The following AMZ1 variants were observed in gnomAD, a reference collection of about 807,000 sequenced individuals.
AMZ1 encodes the protein archaelysin family metallopeptidase 1.
In AMZ1, 39 loss-of-function variants were observed where a neutral mutation model predicts 29.9. The ratio of observed to expected loss-of-function variants is 1.30; its 90% CI spans 1.01 to 1.70. AMZ1 has a LOEUF of 1.70. Among genes scored for constraint, AMZ1 ranks in the 40% most tolerant of loss-of-function variants. The pLI is 0.00. For synonymous variants in AMZ1, 458 were observed against 304.0 expected (o/e 1.51, Z -5.27); for missense variants, 1,041 against 680.6 (o/e 1.53, Z -5.89).
upstream of AMZ1, among the ~76,000 whole-genome samples, chr7:2,761,620 C>T (rs1385643637): frequency 4.6e-5 from 7 of 152,110 alleles, no homozygotes; most frequent in East Asian, 1.9e-4. Context: ...GGCACGTTCC[C>T]GAACCGGCCT....
Position 2,712,711 on chromosome 7 carries a change from A to G in AMZ1, c.1330A>G (p.Thr444Ala), listed in dbSNP as rs777907281. 1.2e-6 allele frequency: 2 copies of G among 1,610,732 alleles called. No homozygotes were observed. The highest frequency in any genetic ancestry group is 4.5e-5 in the East Asian group (2 of 44,856). ...VDALDRWEMF[T>A]GQLPATRQDP... Reference sequence around the variant, plus strand: ...CGCCCTCGACCGCTGGGAGATGTTCACGGGCCAGCTCCCGGCCACCAGGCA... The same window carrying G: ...CGCCCTCGACCGCTGGGAGATGTTCGCGGGCCAGCTCCCGGCCACCAGGCA... Residue 444 changes from threonine to alanine, a missense_variant, in exon 7 of 7, where the codon ACG (threonine) becomes GCG (alanine). By Grantham distance (58) the Thr-to-Ala change is moderately conservative (BLOSUM62 0). Transcript: ENST00000683327.
chr7:2,695,153 C>A lies in AMZ1; in HGVS notation c.-218-5081C>A, dbSNP rs1242567899. On this transcript the variant is annotated intron_variant, in intron 1 of 6. Transcript: ENST00000683327. ...CCGCTGCAAGACTTGCCCACTACGG[C>A]CCTTTCCATGGCCACAGGATCTGGT... Among the ~76,000 whole-genome samples, 3 of 152,176 alleles carry A rather than the reference C, an allele frequency of 2.0e-5. No individual in the cohort carries two copies. In the East Asian group the frequency reaches 5.8e-4, roughly 29 times the overall value.
At chr7:2,708,095 T>C (rs1470858648) in intron 3 of AMZ1, among the ~76,000 whole-genome samples, 2 of 152,006 alleles carry the variant, frequency 1.3e-5, no homozygotes, top group Non-Finnish European at 2.9e-5. Context: ...GTTGCTGGCA[T>C]CACAGGTGTG....
chr7:2,696,773 C>A (rs921590278), intron 1 of AMZ1, among the ~76,000 whole-genome samples: 1 of 151,976 alleles, frequency 6.6e-6, no homozygotes, highest in African/African-American at 2.4e-5. Context: ...GTAGTCCCAA[C>A]TACTTGGGAG....
chr7:2,762,839 C>T (rs1395207908), upstream of AMZ1: 47 of 1,493,710 alleles, frequency 3.1e-5, no homozygotes, highest in East Asian at 5.2e-5. Flanking sequence ...CCAGTCAGCG[C>T]GGCTCCGAAG....
chr7:2,689,896 C>A (rs1264926345), intron 1 of AMZ1, among the ~76,000 whole-genome samples: 1 of 152,164 alleles, frequency 6.6e-6, no homozygotes. Context: ...CCGTGGGTAC[C>A]CCCAGGGCTC....
chr7:2,720,815 C>T (rs544906230), downstream of AMZ1, among the ~76,000 whole-genome samples: 2 of 152,238 alleles, frequency 1.3e-5, no homozygotes, highest in Non-Finnish European at 2.9e-5. Flanking sequence ...AGCTGGACTA[C>T]AGGTGTGTAT....
At chr7:2,707,514 G>A (rs1187989750) in intron 3 of AMZ1, among the ~76,000 whole-genome samples, 1 of 151,940 alleles carries the variant, frequency 6.6e-6, no homozygotes, top group African/African-American at 2.4e-5. Flanking sequence ...CCCAGGTTCA[G>A]CCCCTGGGCC....
At chr7:2,740,461 C>A (rs1412507475) in intron 4 of AMZ1, among the ~76,000 whole-genome samples, 4 of 152,216 alleles carry the variant, frequency 2.6e-5, no homozygotes, top group Admixed American at 1.3e-4. Context: ...AGCCCTCCCT[C>A]ACCAGAACCT....
At chr7:2,698,463 G>A (rs1199902344) in intron 1 of AMZ1, among the ~76,000 whole-genome samples, 4 of 151,940 alleles carry the variant, frequency 2.6e-5, no homozygotes, top group Admixed American at 1.3e-4. Context: ...GCTTGAACCC[G>A]GGAGGTGGAG....
At chr7:2,735,055 T>A (rs138191644) in intron 4 of AMZ1, among the ~76,000 whole-genome samples, 11 of 152,290 alleles carry the variant, frequency 7.2e-5, no homozygotes, top group Non-Finnish European at 1.3e-4. Context: ...CCTCTGCACA[T>A]CATGCCTCCT....
At chr7:2,733,353 C>T (rs1235258383) in intron 4 of AMZ1, 1 of 931,140 alleles carries the variant, frequency 1.1e-6, no homozygotes, top group Non-Finnish European at 1.7e-6. Context: ...CTCGGCCTGT[C>T]AGTCCAGCCA....
At chr7:2,698,846 A>G (rs1336334163) in intron 1 of AMZ1, among the ~76,000 whole-genome samples, 1 of 152,168 alleles carries the variant, frequency 6.6e-6, no homozygotes, top group African/African-American at 2.4e-5. Context: ...TAAAAAAGAA[A>G]TCAGGGTTAG....
chr7:2,739,851 T>TA (rs1346699201), intron 4 of AMZ1, among the ~76,000 whole-genome samples: 3 of 152,160 alleles, frequency 2.0e-5, no homozygotes, highest in African/African-American at 7.2e-5. Context: ...TTTGTATTTT[T>TA]AGTAGAGACG....
chr7:2,696,973 C>G (rs1480279163), intron 1 of AMZ1, among the ~76,000 whole-genome samples: 1 of 152,220 alleles, frequency 6.6e-6, no homozygotes, highest in African/African-American at 2.4e-5. Flanking sequence ...CAATACAAAT[C>G]ACGATCCTTC....
upstream of AMZ1, among the ~76,000 whole-genome samples, chr7:2,683,379 G>A (rs1257930075): frequency 3.3e-5 from 5 of 152,198 alleles, no homozygotes; most frequent in South Asian, 6.2e-4. Context: ...TCCCATCTCC[G>A]TCTTCTCCTC....
chr7:2,720,430 CAG>C (rs759968107), downstream of AMZ1, among the ~76,000 whole-genome samples: 2 of 152,060 alleles, frequency 1.3e-5, no homozygotes, highest in African/African-American at 2.4e-5. Context: ...TTTATTGAGA[CAG>C]AGTCTGTGTT....
intron 4 of AMZ1, among the ~76,000 whole-genome samples, chr7:2,735,881 T>C (rs565878478): frequency 6.6e-6 from 1 of 152,076 alleles, no homozygotes; most frequent in Admixed American, 6.5e-5. Flanking sequence ...AGCTCTCTAA[T>C]GGGGGCTGGA....
In AMZ1 at chr7:2,711,327, A is replaced by G. The variant is rs531496733; in HGVS notation, c.949-1003A>G. The stretch of plus-strand genomic sequence containing the variant: ...GAAAAGGTCACTGCTGTCCACTGAC[A>G]GCAATCAGTGAAATGCCTCTTGAAG... On this transcript the variant is annotated intron_variant, in intron 6 of 6. Coordinates refer to ENST00000683327, the MANE Select transcript of AMZ1 (RefSeq NM_001384743.1). 2.0e-4 allele frequency among the ~76,000 whole-genome samples: 31 copies of G among 152,350 alleles called. No individual in the cohort carries two copies. The Middle Eastern group carries it at 0.014, about 67-fold the overall frequency.
Sources: allele counts gnomAD v4.1 joint callset (sites outside exome capture counted in the v4.1 genomes callset), GRCh38; gene constraint gnomAD v4.1.1; transcripts MANE v1.5; gene names NCBI Gene and HGNC (gene_info 2026-07-23, HGNC 2026-07-21).